MPC2: variants seen among roughly 807,000 people sequenced by gnomAD.
The protein encoded by MPC2 is brain protein 44.
A neutral mutation model predicts 19.2 loss-of-function variants in MPC2; 19 were observed. The ratio of observed to expected loss-of-function variants is 0.99; its 90% confidence interval spans 0.69 to 1.45. The LOEUF is 1.45. Ranked by LOEUF, MPC2 falls within the 40% of genes most tolerant of loss-of-function variation. MPC2 has a pLI of 0.00. For synonymous variants in MPC2, 61 were observed against 54.3 expected (o/e 1.12, Z -0.54); for missense variants, 122 against 153.0 (o/e 0.80, Z 1.07).
chr1:167,930,236 T>C (rs1044589893), intron 2 of MPC2, among the ~76,000 whole-genome samples: 2 of 152,210 alleles, frequency 1.3e-5, no homozygotes, highest in Admixed American at 6.5e-5. Flanking sequence ...AAATACACTT[T>C]GGTTTGAAAT....
chr1:167,920,355 A>G (rs576304165), intron 4 of MPC2, among the ~76,000 whole-genome samples, 192 bp downstream of exon 4: 3 of 152,344 alleles, frequency 2.0e-5, no homozygotes, highest in South Asian at 4.1e-4. Flanking sequence ...CTGAAAAGCA[A>G]AAGCCCATTC....
chr1:167,932,823 A>AAAAAG (rs1268260359), intron 2 of MPC2, among the ~76,000 whole-genome samples: 29 of 150,766 alleles, frequency 1.9e-4, no homozygotes, highest in African/African-American at 4.7e-4. Context: ...AAAAAAAAAA[A>AAAAAG]AAAAGAAAAG....
chr1:167,928,177 T>C (rs1269258911), intron 2 of MPC2, among the ~76,000 whole-genome samples: 1 of 152,050 alleles, frequency 6.6e-6, no homozygotes, highest in East Asian at 1.9e-4. Context: ...TGAAACCCTG[T>C]CTCTACTAAA....
In MPC2 at chr1:167,924,547, A is replaced by C; in HGVS notation, c.110-10T>G. Reference sequence around the variant, plus strand: ...AAAACTGTTCTGGGACCTGAAAAAAAAAAGAAAAGAAAAATTCAGGAATAA... The same window carrying C: ...AAAACTGTTCTGGGACCTGAAAAAACAAAGAAAAGAAAAATTCAGGAATAA... On this transcript the variant is annotated splice_polypyrimidine_tract_variant and intron_variant, in intron 2 of 5. Coordinates refer to ENST00000271373, the MANE Select transcript of MPC2 (RefSeq NM_001143674.4). 1 of 1,517,574 alleles carries C rather than the reference A, an allele frequency of 6.6e-7. No homozygotes were observed. The highest frequency in any genetic ancestry group is 1.4e-5 in the African/African-American group (1 of 70,176). 94.0% of individuals were successfully genotyped at this position (1,517,574 alleles called of 1,614,324 possible).
intron 2 of MPC2, among the ~76,000 whole-genome samples, chr1:167,933,975 G>C (rs1476222891): frequency 2.0e-5 from 3 of 152,162 alleles, no homozygotes; most frequent in Admixed American, 6.5e-5. Flanking sequence ...CCATTTTATA[G>C]ATGAGATAAC....
Position 167,936,723 on chromosome 1 carries a change from C to T in MPC2, c.-58+216G>A. The T allele has an allele frequency of 1.7e-5, 10 of 593,794 alleles. 1 individual carries two copies. In the South Asian group the frequency reaches 2.0e-4, roughly 12 times the overall value. The allele number at this position is 593,794 out of a possible 1,614,324, so 36.8% of individuals were successfully genotyped here. ...TCTAAGAAGGAGAGTATGAGGCGAG[C>T]TCCGGCCCGGGTGCGGCCGGGCTTC... is the stretch of plus-strand genomic sequence containing the variant. On this transcript the variant is annotated intron_variant, in intron 1 of 5. Coordinates refer to ENST00000271373, the MANE Select transcript of MPC2 (RefSeq NM_001143674.4).
rs769815669 is a variant in MPC2, at chr1:167,924,511, G to A, written c.136C>T (p.Pro46Ser). Reference sequence around the variant, plus strand: ...TCAAGACTTACCCATTTCATAATTGGAGCCCAGAAGAAAACTGTTCTGGGA... The same window carrying A: ...TCAAGACTTACCCATTTCATAATTGAAGCCCAGAAGAAAACTGTTCTGGGA... ...AGPRTVFFWA[P>S]IMKWGLVCAG... The change falls in exon 3 of 6, where the codon CCA (proline) becomes TCA (serine). Residue 46 changes from proline to serine, a missense_variant. Transcript: ENST00000271373. 1 of 1,574,484 alleles carries A rather than the reference G, an allele frequency of 6.4e-7. No individual in the cohort carries two copies. The highest frequency in any genetic ancestry group is 8.6e-7 in the Non-Finnish European group (1 of 1,162,870).
At chr1:167,920,448 G>A in intron 4 of MPC2, 99 bp downstream of exon 4, 1 of 1,173,802 alleles carries the variant, frequency 8.5e-7, no homozygotes, top group Middle Eastern at 1.9e-4. Flanking sequence ...TTGTGTGTGG[G>A]TGTATTTCAA....
At chr1:167,934,442 A>G (rs2102563525) in intron 2 of MPC2, among the ~76,000 whole-genome samples, 1 of 152,360 alleles carries the variant, frequency 6.6e-6, no homozygotes, top group East Asian at 1.9e-4. Context: ...ATAATTCCAA[A>G]AAAATTGAAT....
At chr1:167,928,492 TAC>T (rs1670818279) in intron 2 of MPC2, among the ~76,000 whole-genome samples, 1 of 152,182 alleles carries the variant, frequency 6.6e-6, no homozygotes, top group Admixed American at 6.5e-5. Flanking sequence ...ATAAAACAGA[TAC>T]AGAGGCTGTC....
intron 1 of MPC2, chr1:167,936,727 G>A (rs1671278421): frequency 3.4e-6 from 2 of 595,484 alleles, no homozygotes; most frequent in African/African-American, 1.9e-5. Flanking sequence ...GGCGAGCTCC[G>A]GCCCGGGTGC....
intron 2 of MPC2, among the ~76,000 whole-genome samples, chr1:167,925,651 A>G (rs1261097844): frequency 2.0e-5 from 3 of 148,200 alleles, no homozygotes; most frequent in African/African-American, 7.5e-5. Flanking sequence ...GGTTCAAGTG[A>G]TTCTCTTGCC....
intron 1 of MPC2, 79 bp downstream of exon 1, chr1:167,936,860 C>T (rs1404039225): frequency 4.7e-6 from 6 of 1,280,156 alleles, no homozygotes; most frequent in East Asian, 2.5e-5. Flanking sequence ...CCCTCCCCCT[C>T]CTCCCCTCCC....
At chr1:167,921,675 ATGC>A (rs1670606629) in intron 3 of MPC2, among the ~76,000 whole-genome samples, 1 of 152,108 alleles carries the variant, frequency 6.6e-6, no homozygotes, top group Non-Finnish European at 1.5e-5. Context: ...CAATCTATTT[ATGC>A]CAGTTTTACT....
At chr1:167,925,442 C>CGTATATATATATATATATAT (rs1553200802) in intron 2 of MPC2, among the ~76,000 whole-genome samples, 8 of 82,474 alleles carry the variant, frequency 9.7e-5, no homozygotes, top group Non-Finnish European at 1.1e-4. Context: ...TACATATACA[C>CGTATATATATATATATATAT]ATATATATAT....
intron 3 of MPC2, among the ~76,000 whole-genome samples, chr1:167,923,868 C>T (rs980347401): frequency 2.0e-5 from 3 of 152,100 alleles, no homozygotes; most frequent in Admixed American, 1.3e-4. Flanking sequence ...CACTGCAGGT[C>T]CAGAGAGATG....
chr1:167,920,725 G>T, intron 3 of MPC2, 94 bp from the exon 4 acceptor site: 1 of 1,222,208 alleles, frequency 8.2e-7, no homozygotes, highest in Non-Finnish European at 1.1e-6. Context: ...TGAGATTTCC[G>T]TAAGTTAGCA....
chr1:167,920,012 GC>G lies in MPC2; in HGVS notation c.313del (p.Ala105GlnfsTer17). On this transcript the variant is annotated frameshift_variant, in exon 5 of 6. Transcript: ENST00000271373. LOFTEE classifies it high-confidence loss of function. ...SLFAVNFFVG[A>X]AGASQLFRIW... ...ACGAAAAAGCTGAGAGGCTCCTGCT[GC>G]CCCCACAAAGAAATTAACAGCAAAC... is the stretch of plus-strand genomic sequence containing the variant. The G allele has an allele frequency of 1.9e-6, 3 of 1,613,164 alleles. No homozygotes were observed. The highest frequency in any genetic ancestry group is 2.5e-6 in the Non-Finnish European group (3 of 1,179,558).
chr1:167,927,584 A>T (rs1378733441), intron 2 of MPC2, among the ~76,000 whole-genome samples: 1 of 152,180 alleles, frequency 6.6e-6, no homozygotes, highest in African/African-American at 2.4e-5. Flanking sequence ...TGAAAGCTGA[A>T]GTTTCTGTCA....
Sources: allele counts gnomAD v4.1 joint callset (sites outside exome capture counted in the v4.1 genomes callset), GRCh38; gene constraint gnomAD v4.1.1; transcripts MANE v1.5; gene names NCBI Gene and HGNC (gene_info 2026-07-23, HGNC 2026-07-21).